DISC1: variants seen among roughly 807,000 people sequenced by gnomAD.
DISC1 encodes disrupted in schizophrenia 1 protein.
Under a neutral mutation model 84.5 loss-of-function variants are expected in DISC1, and 57 were observed. That is an observed-to-expected ratio of 0.67 (90% confidence interval 0.55 to 0.84). DISC1 has a LOEUF of 0.84. Ranked by LOEUF, DISC1 falls within the 40% of genes least tolerant of loss-of-function variation. The pLI is 0.00. For missense variants in DISC1, 1,000 were observed against 1,057.8 expected (o/e 0.95, Z 0.76); for synonymous variants, 411 against 415.2 (o/e 0.99, Z 0.12).
chr1:231,764,884 G>T (rs2076043480), intron 4 of DISC1, among the ~76,000 whole-genome samples: 1 of 152,058 alleles, frequency 6.6e-6, no homozygotes, highest in South Asian at 2.1e-4. Flanking sequence ...ATGTTGTTTG[G>T]ATTTTCATTT....
chr1:231,906,792 G>A (rs201821874), intron 9 of DISC1, among the ~76,000 whole-genome samples: 2 of 151,616 alleles, frequency 1.3e-5, no homozygotes, highest in Non-Finnish European at 2.9e-5. Context: ...CAGGAGCTGC[G>A]TACGTATTAG....
intron 6 of DISC1, among the ~76,000 whole-genome samples, chr1:231,774,210 TG>T (rs2076780185): frequency 6.6e-6 from 1 of 151,700 alleles, no homozygotes; most frequent in Admixed American, 6.6e-5. Context: ...ACTATGATTG[TG>T]CCACTGCAGT....
intron 4 of DISC1, among the ~76,000 whole-genome samples, chr1:231,765,769 G>A (rs2076127481): frequency 6.6e-6 from 1 of 152,116 alleles, no homozygotes; most frequent in Non-Finnish European, 1.5e-5. Context: ...ACTCCGGCAA[G>A]AATAAGAGAA....
intron 8 of DISC1, among the ~76,000 whole-genome samples, chr1:231,804,323 AG>A (rs1177445087): frequency 6.6e-6 from 1 of 152,192 alleles, no homozygotes; most frequent in Non-Finnish European, 1.5e-5. Flanking sequence ...AGACCTGGAC[AG>A]AGAGCTTTTC....
At chr1:231,820,361 G>A (rs200278396) in intron 9 of DISC1, among the ~76,000 whole-genome samples, 2 of 152,122 alleles carry the variant, frequency 1.3e-5, no homozygotes, top group African/African-American at 2.4e-5. Context: ...TTCAGAGGGA[G>A]CTCTGTGTTC....
intron 6 of DISC1, among the ~76,000 whole-genome samples, chr1:231,785,285 AT>A (rs2077763452): frequency 6.8e-6 from 1 of 147,708 alleles, no homozygotes; most frequent in Admixed American, 6.8e-5. Flanking sequence ...TTATTTATTT[AT>A]TTATTTATTT....
At chr1:231,754,922 C>G (rs1386784809) in intron 4 of DISC1, among the ~76,000 whole-genome samples, 4 of 152,158 alleles carry the variant, frequency 2.6e-5, no homozygotes, top group Non-Finnish European at 5.9e-5. Context: ...GTATACTATG[C>G]CAGTGAATGT....
At chr1:231,996,466 T>G (rs546521453) in intron 10 of DISC1, among the ~76,000 whole-genome samples, 53 of 152,332 alleles carry the variant, frequency 3.5e-4, no homozygotes, top group African/African-American at 1.2e-3. Flanking sequence ...AGGGTTTTTT[T>G]GGTTTTAAGG....
chr1:231,722,408 C>T, intron 3 of DISC1: 1 of 1,445,824 alleles, frequency 6.9e-7, no homozygotes, highest in Non-Finnish European at 9.5e-7. Flanking sequence ...TGAAATAGAT[C>T]TTTCTACTTA....
At chr1:231,791,954 C>T (rs1201252952) in intron 6 of DISC1, among the ~76,000 whole-genome samples, 1 of 152,118 alleles carries the variant, frequency 6.6e-6, no homozygotes, top group African/African-American at 2.4e-5. Context: ...AGCAGATTCC[C>T]TGTTATCTTT....
chr1:231,665,500 T>A (rs552414025), intron 1 of DISC1, among the ~76,000 whole-genome samples: 2 of 152,366 alleles, frequency 1.3e-5, no homozygotes, highest in African/African-American at 4.8e-5. Flanking sequence ...TTCGGACAGA[T>A]GATTCAGCTT....
intron 3 of DISC1, chr1:231,722,451 A>G: frequency 6.3e-7 from 1 of 1,593,660 alleles, no homozygotes; most frequent in South Asian, 1.1e-5. Context: ...CAGCATAAAC[A>G]TCACAGTGCT....
chr1:232,016,890 G>A (rs182882879), intron 11 of DISC1, among the ~76,000 whole-genome samples: 13 of 152,280 alleles, frequency 8.5e-5, no homozygotes, highest in Non-Finnish European at 1.5e-4. Flanking sequence ...ATTTGAATAT[G>A]TGGATGAATA....
rs115034672 is a variant in DISC1, at chr1:231,672,912, C to T, written c.68-20914C>T. Among the ~76,000 whole-genome samples the T allele has an allele frequency of 2.8e-3, 426 of 152,262 alleles. 7 individuals carry two copies. The highest frequency in any genetic ancestry group is 9.7e-3 in the East Asian group (50 of 5,162). On this transcript the variant is annotated intron_variant, in intron 1 of 12. Transcript: ENST00000439617. ...CCCAGAAATCTGCATTTCCACAAAC[C>T]TCCCAGGTGATTTTGATGCACGTGA...
At chr1:231,871,568 A>G (rs2085467465) in intron 9 of DISC1, among the ~76,000 whole-genome samples, 1 of 152,170 alleles carries the variant, frequency 6.6e-6, no homozygotes, top group South Asian at 2.1e-4. Flanking sequence ...TGAAGTTCAA[A>G]TATAGACAAC....
intron 9 of DISC1, among the ~76,000 whole-genome samples, chr1:231,862,915 C>A (rs1285724807): frequency 1.3e-5 from 2 of 152,098 alleles, no homozygotes; most frequent in Non-Finnish European, 2.9e-5. Flanking sequence ...AGACATTGTT[C>A]TCAGTTTGTT....
At chr1:231,660,553 G>A (rs1286286631) in intron 1 of DISC1, among the ~76,000 whole-genome samples, 3 of 152,016 alleles carry the variant, frequency 2.0e-5, no homozygotes, top group African/African-American at 4.8e-5. Flanking sequence ...CCCAGCTCAC[G>A]GCAACCTCTG....
intron 10 of DISC1, among the ~76,000 whole-genome samples, chr1:231,983,699 C>T (rs1293596153): frequency 6.6e-6 from 1 of 151,358 alleles, no homozygotes; most frequent in East Asian, 2.0e-4. Flanking sequence ...CTTTCTAGCT[C>T]CCTCTACTGA....
chr1:231,884,726 C>T (rs2086559507), intron 9 of DISC1, among the ~76,000 whole-genome samples: 1 of 151,912 alleles, frequency 6.6e-6, no homozygotes, highest in African/African-American at 2.4e-5. Context: ...AACCTCTACA[C>T]CAAACCTTCA....
Sources: allele counts gnomAD v4.1 joint callset (sites outside exome capture counted in the v4.1 genomes callset), GRCh38; gene constraint gnomAD v4.1.1; transcripts MANE v1.5; gene names NCBI Gene and HGNC (gene_info 2026-07-23, HGNC 2026-07-21).